CRB1: variants seen among roughly 807,000 people sequenced by gnomAD.
CRB1 encodes the protein crumbs cell polarity complex component 1.
CRB1 carries 83 observed loss-of-function variants against 120.0 expected under a neutral mutation model. The ratio of observed to expected loss-of-function variants is 0.69; its 90% CI spans 0.58 to 0.83. The LOEUF is 0.83. Among genes scored for constraint, CRB1 ranks in the 40% least tolerant of loss-of-function variants. The probability of loss-of-function intolerance (pLI) is 0.00; values close to 1 mark genes in which losing one functional copy is unlikely to be tolerated. For synonymous variants in CRB1, 625 were observed against 612.5 expected (o/e 1.02, Z -0.30); for missense variants, 1,699 against 1,687.6 (o/e 1.01, Z -0.12).
At chr1:197,291,692 T>C (rs990974608) in intron 1 of CRB1, among the ~76,000 whole-genome samples, 1 of 151,892 alleles carries the variant, frequency 6.6e-6, no homozygotes, top group Non-Finnish European at 1.5e-5. Flanking sequence ...TAGTGCTTAA[T>C]AGAGCACATT....
chr1:197,460,588 T>C (rs1299616943), intron 11 of CRB1, among the ~76,000 whole-genome samples: 1 of 152,118 alleles, frequency 6.6e-6, no homozygotes, highest in Non-Finnish European at 1.5e-5. Flanking sequence ...GTTCTAACCA[T>C]CATAGTACTG....
intron 1 of CRB1, among the ~76,000 whole-genome samples, chr1:197,287,647 T>C (rs1201712440): frequency 1.3e-5 from 2 of 151,778 alleles, no homozygotes; most frequent in East Asian, 2.0e-4. Context: ...CAAAGCAAAA[T>C]TTCCTCATGT....
chr1:197,404,168 A>G (rs75507035), intron 5 of CRB1, among the ~76,000 whole-genome samples: 1 of 152,216 alleles, frequency 6.6e-6, no homozygotes, highest in East Asian at 1.9e-4. Context: ...CAAGGAAAAT[A>G]GTATTCAGAC....
chr1:197,330,991 G>C lies in CRB1; in HGVS notation c.652+1988G>C, dbSNP rs886237668. ...GGGAGGATCACGAGGTCAGGAGATC[G>C]AGACTACTGTGAAATCCCGTCTCTA... On this transcript the variant is annotated intron_variant, in intron 2 of 11. Transcript: ENST00000367400. Among the ~76,000 whole-genome samples, 16 of 152,206 alleles carry C rather than the reference G, an allele frequency of 1.1e-4. No homozygotes were observed. The East Asian group carries it at 3.1e-3, about 29-fold the overall frequency.
intron 11 of CRB1, among the ~76,000 whole-genome samples, chr1:197,456,428 C>G (rs528219181): frequency 6.6e-6 from 1 of 151,794 alleles, no homozygotes; most frequent in Non-Finnish European, 1.5e-5. Context: ...TTCATCCTGC[C>G]CCATAGTTAC....
chr1:197,463,035 C>T (rs1216962712), intron 11 of CRB1, among the ~76,000 whole-genome samples: 2 of 152,086 alleles, frequency 1.3e-5, no homozygotes, highest in African/African-American at 2.4e-5. Context: ...TCTTAATCAT[C>T]GCCTGATGAT....
intron 4 of CRB1, among the ~76,000 whole-genome samples, chr1:197,351,467 T>C (rs1660104041): frequency 6.6e-6 from 1 of 151,512 alleles, no homozygotes; most frequent in African/African-American, 2.4e-5. Context: ...TACTGGACTG[T>C]GTAGGGCTGG....
the CRB1 span, among the ~76,000 whole-genome samples, chr1:197,203,571 C>T: frequency 1.3e-5 from 2 of 152,136 alleles, no homozygotes; most frequent in African/African-American, 2.4e-5. Context: ...GTGATCCACC[C>T]GCCTTGGCCT....
intron 5 of CRB1, chr1:197,413,897 A>G (rs977178390): frequency 8.8e-6 from 4 of 456,392 alleles, no homozygotes; most frequent in Non-Finnish European, 1.8e-5. Flanking sequence ...TCAGAAACTC[A>G]CTCTGTCAAC....
chr1:197,227,396 T>TTTC, the CRB1 span, among the ~76,000 whole-genome samples: 1 of 143,458 alleles, frequency 7.0e-6, no homozygotes, highest in African/African-American at 2.8e-5. Flanking sequence ...TCTTTTTCTT[T>TTTC]TTTTTTTTTT....
intron 1 of CRB1, among the ~76,000 whole-genome samples, chr1:197,270,546 G>T (rs1452664872): frequency 6.6e-6 from 1 of 152,114 alleles, no homozygotes; most frequent in Non-Finnish European, 1.5e-5. Context: ...GGAATCATCA[G>T]AATAGTTAAA....
chr1:197,299,490 A>T (rs1172554519), intron 1 of CRB1, among the ~76,000 whole-genome samples: 1 of 152,156 alleles, frequency 6.6e-6, no homozygotes, highest in Non-Finnish European at 1.5e-5. Context: ...TGACTAAGTA[A>T]TTCCACTCCT....
At chr1:197,256,878 A>T in the CRB1 span, among the ~76,000 whole-genome samples, 1 of 150,790 alleles carries the variant, frequency 6.6e-6, no homozygotes, top group Non-Finnish European at 1.5e-5. Context: ...AGGGAAAAAG[A>T]TATATTTAGT....
At chr1:197,315,273 T>C (rs1273744086) in intron 1 of CRB1, among the ~76,000 whole-genome samples, 1 of 152,200 alleles carries the variant, frequency 6.6e-6, no homozygotes, top group Admixed American at 6.5e-5. Flanking sequence ...CCAAACTAGT[T>C]TGGTTTCACA....
At chr1:197,429,801 A>G (rs1664789838) in intron 8 of CRB1, among the ~76,000 whole-genome samples, 187 bp downstream of exon 8, 1 of 152,196 alleles carries the variant, frequency 6.6e-6, no homozygotes, top group Admixed American at 6.5e-5. Context: ...GGCTGTCTGG[A>G]TAGGAAATGG....
the CRB1 span, among the ~76,000 whole-genome samples, chr1:197,256,932 C>CGT: frequency 0.028 from 4,008 of 141,458 alleles, 103 homozygotes; most frequent in African/African-American, 0.07. Flanking sequence ...ATAGGATTTG[C>CGT]GTGTGTGTGT....
intron 3 of CRB1, among the ~76,000 whole-genome samples, chr1:197,347,088 T>C (rs535333834): frequency 7.9e-4 from 121 of 152,308 alleles, no homozygotes; most frequent in Middle Eastern, 3.4e-3. Context: ...CTATATTCAA[T>C]TTATGAATGA....
At chr1:197,435,724 A>G in intron 9 of CRB1, 112 bp downstream of exon 9, 1 of 923,416 alleles carries the variant, frequency 1.1e-6, no homozygotes, top group South Asian at 1.5e-5. Flanking sequence ...TGTGCTGAAC[A>G]GGGTGACACT....
intron 9 of CRB1, among the ~76,000 whole-genome samples, 163 bp from the exon 10 acceptor site, chr1:197,438,384 A>T (rs1665264580): frequency 6.6e-6 from 1 of 152,184 alleles, no homozygotes; most frequent in African/African-American, 2.4e-5. Context: ...TTTACTGGAG[A>T]AAGTGATTCT....
Sources: allele counts gnomAD v4.1 joint callset (sites outside exome capture counted in the v4.1 genomes callset), GRCh38; gene constraint gnomAD v4.1.1; transcripts MANE v1.5; gene names NCBI Gene and HGNC (gene_info 2026-07-23, HGNC 2026-07-21).